The following MXRA5 variants were observed in gnomAD, a reference collection of about 807,000 sequenced individuals.
MXRA5 encodes matrix-remodeling-associated protein 5.
MXRA5 carries 41 observed loss-of-function variants against 112.5 expected under a neutral mutation model. That is an observed-to-expected ratio of 0.36 (90% CI 0.28 to 0.47). MXRA5 has a LOEUF of 0.47. Among genes scored for constraint, MXRA5 ranks in the 20% least tolerant of loss-of-function variants. MXRA5 has a pLI of 0.99. For synonymous variants in MXRA5, 862 were observed against 900.8 expected (o/e 0.96, Z 0.77); for missense variants, 2,150 against 2,251.0 (o/e 0.96, Z 0.91).
Position 3,320,216 on chromosome X carries a change from G to T in MXRA5, c.5469C>A (p.Val1823=). The T allele has an allele frequency of 8.3e-7, 1 of 1,211,052 alleles. No homozygotes were observed. The highest frequency in any genetic ancestry group is 3.0e-5 in the East Asian group (1 of 33,797). ...TCTGGTGGAAGCTTCCTGAGGACTG[G>T]ACAGAAGATGTTATAAAGGAGATAG... ...QSSISFITSS[V]QSSGSFHQSS... The change falls in exon 5 of 7, where the codon GTC becomes GTA. Residue 1823 remains valine, a synonymous_variant. Coordinates refer to ENST00000217939, the MANE Select transcript of MXRA5 (RefSeq NM_015419.4).
Position 3,311,132 on chromosome X carries a change from C to T in MXRA5, c.7071G>A (p.Gln2357=), listed in dbSNP as rs769068948. 5 of 1,209,608 alleles carry T rather than the reference C, an allele frequency of 4.1e-6. No individual in the cohort carries two copies. In the African/African-American group the frequency reaches 7.0e-5, roughly 17 times the overall value. The change falls in exon 7 of 7, where the codon CAG becomes CAA. Residue 2357 remains glutamine, a synonymous_variant. Transcript: ENST00000217939. ...TIRNKTYLAV[Q]VPYGDVVTVA... Reference sequence around the variant, plus strand: ...CAGTGACCACGTCTCCATAGGGCACCTGAACCGCCAAGTAAGTCTTGTTCC... The same window carrying T: ...CAGTGACCACGTCTCCATAGGGCACTTGAACCGCCAAGTAAGTCTTGTTCC...
At chrX:3,326,952 T>G (rs1173180345) in intron 4 of MXRA5, among the ~76,000 whole-genome samples, 1 of 111,843 alleles carries the variant, frequency 8.9e-6, no homozygotes, top group Admixed American at 9.6e-5. Flanking sequence ...TCTATTTAGA[T>G]AGCAAGAAGA....
chrX:3,336,155 C>T (rs183297549), intron 2 of MXRA5, among the ~76,000 whole-genome samples: 48 of 111,963 alleles, frequency 4.3e-4, no homozygotes, highest in East Asian at 8.4e-4. Flanking sequence ...ATCTAGGTTG[C>T]GCACTCCTTA....
intron 5 of MXRA5, 72 bp from the exon 6 acceptor site, chrX:3,318,075 A>T: frequency 2.3e-6 from 2 of 877,101 alleles, no homozygotes; most frequent in South Asian, 6.0e-5. Context: ...GAGCAGTATT[A>T]GTTAATCTAA....
Position 3,321,232 on chromosome X carries a change from C to G in MXRA5, c.4453G>C (p.Ala1485Pro). The G allele has an allele frequency of 8.3e-7, 1 of 1,211,328 alleles. No homozygotes were observed. Among genetic ancestry groups the G allele is most frequent in the East Asian group, 3.0e-5 (1 of 33,817 alleles). Reference protein sequence around the residue: ...ETRPQNHTPTAARMKEPASSS... With the variant: ...ETRPQNHTPTPARMKEPASSS... ...GATGCTGGCTCCTTCATCCGGGCAG[C>G]AGTAGGGGTGTGATTCTGTGGTCTA... Residue 1485 changes from alanine (A) to proline (P), a missense_variant, in exon 5 of 7, where the codon GCT becomes CCT. Physicochemically the swap from Ala to Pro is conservative, Grantham distance 27. Transcript: ENST00000217939.
chrX:3,316,107 G>A (rs1156735389), intron 6 of MXRA5, among the ~76,000 whole-genome samples: 2 of 61,722 alleles, frequency 3.2e-5, no homozygotes, highest in Admixed American at 1.8e-4. Flanking sequence ...GAGGTCAGGA[G>A]ATCGAGACCA....
At position 3,321,840 on chromosome X, in the gene MXRA5, A is replaced by G; in HGVS notation, c.3845T>C (p.Val1282Ala). 8.3e-7 allele frequency: 1 copy of G among 1,211,186 alleles called. No individual in the cohort carries two copies. The highest frequency in any genetic ancestry group is 2.3e-4 in the Middle Eastern group (1 of 4,348). Residue 1282 changes from valine (V) to alanine (A), a missense_variant, in exon 5 of 7, where the codon GTT (valine) becomes GCT (alanine). Physicochemically the swap from Val to Ala is moderately conservative, Grantham distance 64. Coordinates refer to ENST00000217939, the MANE Select transcript of MXRA5 (RefSeq NM_015419.4). The part of the protein sequence containing the change: ...SSETILLPRT[V>A]SLKTEGPYDS... ...ATAAGGGCCCTCAGTTTTCAGAGAA[A>G]CAGTTCTAGGCAAAAGTATAGTTTC... is the stretch of plus-strand genomic sequence containing the variant.
chrX:3,320,455 C>T lies in MXRA5; in HGVS notation c.5230G>A (p.Gly1744Arg), dbSNP rs1921266663. Residue 1744 changes from glycine (G) to arginine (R), a missense_variant, in exon 5 of 7, where the codon GGA (glycine) becomes AGA (arginine). Coordinates refer to ENST00000217939, the MANE Select transcript of MXRA5 (RefSeq NM_015419.4). Reference protein sequence around the residue: ...TNKTLSFPQLGVTRRPQIPTS... With the variant: ...TNKTLSFPQLRVTRRPQIPTS... ...GGTATCTGGGGTCTCCGGGTGACTC[C>T]CAACTGTGGAAAAGAAAGAGTCTTG... 8.3e-7 allele frequency: 1 copy of T among 1,211,174 alleles called. No homozygotes were observed. Among genetic ancestry groups the T allele is most frequent in the Middle Eastern group, 2.3e-4 (1 of 4,342 alleles).
At chrX:3,344,537 G>A (rs996195770) in intron 1 of MXRA5, among the ~76,000 whole-genome samples, 3 of 111,337 alleles carry the variant, frequency 2.7e-5, no homozygotes, top group Non-Finnish European at 3.8e-5. Flanking sequence ...TAAACAGGAA[G>A]GGACTGCTTA....
chrX:3,336,225 T>C (rs1351015376), intron 2 of MXRA5, among the ~76,000 whole-genome samples: 3 of 111,869 alleles, frequency 2.7e-5, no homozygotes, highest in Non-Finnish European at 5.6e-5. Flanking sequence ...TGGAACTGTC[T>C]AGTTGAAGGA....
rs1285854487 is a variant in MXRA5, at chrX:3,309,219, G to A, written c.*497C>T. 1 of 112,886 alleles carries A rather than the reference G, an allele frequency of 8.9e-6. No individual in the cohort carries two copies. Among genetic ancestry groups the A allele is most frequent in the African/African-American group, 3.3e-5 (1 of 30,522 alleles). The allele number at this position is 112,886 out of a possible 1,213,427, so 9.3% of individuals were successfully genotyped here. On this transcript the variant is annotated 3_prime_UTR_variant, in exon 7 of 7. Coordinates refer to ENST00000217939, the MANE Select transcript of MXRA5 (RefSeq NM_015419.4). ...GTCACTCTGGTTCTAAATCCTTATT[G>A]GGCAAGCTGGAGTTTTGAAGTGACA...
At chrX:3,329,730 C>T (rs909448774) in intron 4 of MXRA5, among the ~76,000 whole-genome samples, 3 of 111,708 alleles carry the variant, frequency 2.7e-5, no homozygotes, top group Non-Finnish European at 5.6e-5. Flanking sequence ...TGGCATGATC[C>T]TCCAGATACC....
At position 3,324,803 on chromosome X, in the gene MXRA5, C is replaced by T. The variant is rs925019335; in HGVS notation, c.882G>A (p.Glu294=). 4 of 1,208,683 alleles carry T rather than the reference C, an allele frequency of 3.3e-6. No homozygotes were observed. The South Asian group carries it at 5.3e-5, about 16-fold the overall frequency. ...LRQNRSRSIE[E]EQEQEEDGGS... ...CACCATCCTCTTCCTGTTCTTGCTC[C>T]TCCTCAATACTCCTGCTCCTGTTCT... The change falls in exon 5 of 7, where the codon GAG becomes GAA. Residue 294 remains glutamate, a synonymous_variant. Transcript: ENST00000217939.
chrX:3,327,799 G>A (rs1410078515), intron 4 of MXRA5, among the ~76,000 whole-genome samples: 1 of 112,638 alleles, frequency 8.9e-6, no homozygotes, highest in Non-Finnish European at 1.9e-5. Flanking sequence ...AAAGATCCTG[G>A]GATTGCAATC....
At chrX:3,326,595 A>G (rs187552651) in intron 4 of MXRA5, among the ~76,000 whole-genome samples, 2 of 108,087 alleles carry the variant, frequency 1.9e-5, no homozygotes, top group East Asian at 5.8e-4. Flanking sequence ...TATATTTATA[A>G]CTCTCTCTAT....
chrX:3,340,964 T>C (rs2146932802), intron 2 of MXRA5, among the ~76,000 whole-genome samples: 1 of 86,739 alleles, frequency 1.2e-5, no homozygotes, highest in East Asian at 3.4e-4. Context: ...AATAGATATA[T>C]ATTATGTATA....
Position 3,325,207 on chromosome X carries a change from T to G in MXRA5, c.710-232A>C, listed in dbSNP as rs1394307526. Among the ~76,000 whole-genome samples, 3 of 111,547 alleles carry G rather than the reference T, an allele frequency of 2.7e-5. No individual in the cohort carries two copies. In the Admixed American group the frequency reaches 2.9e-4, roughly 11 times the overall value. On this transcript the variant is annotated intron_variant, in intron 4 of 6. Transcript: ENST00000217939. ...ACTGCTTAACCATTAATAATAATTT[T>G]TACTTAAAAATGTCTTAAAATACTT...
chrX:3,337,589 G>C (rs1921810940), intron 2 of MXRA5, among the ~76,000 whole-genome samples: 1 of 111,653 alleles, frequency 9.0e-6, no homozygotes, highest in Non-Finnish European at 1.9e-5. Context: ...GCATCTATCT[G>C]TTATAATCTA....
chrX:3,322,209 G>A lies in MXRA5; in HGVS notation c.3476C>T (p.Pro1159Leu), dbSNP rs201123374. Residue 1159 changes from proline (P) to leucine (L), a missense_variant, in exon 5 of 7, where the codon CCC becomes CTC. Transcript: ENST00000217939. ...RRPNGRRRLR[P>L]NKFRHRHKQT... ...CTTGTGCCGGTGGCGGAATTTGTTG[G>A]GGCGTAATCTCCTTCTCCCGTTGGG... 56 of 1,186,651 alleles carry A rather than the reference G, an allele frequency of 4.7e-5. No individual in the cohort carries two copies. Among genetic ancestry groups the A allele is most frequent in the Non-Finnish European group, 2.7e-5 (24 of 883,464 alleles).
Sources: allele counts gnomAD v4.1 joint callset (sites outside exome capture counted in the v4.1 genomes callset), GRCh38; gene constraint gnomAD v4.1.1; transcripts MANE v1.5; gene names NCBI Gene and HGNC (gene_info 2026-07-23, HGNC 2026-07-21).